The following ARHGAP26 variants were observed in gnomAD, a reference collection of about 807,000 sequenced individuals.
The protein encoded by ARHGAP26 is Rho GTPase activating protein 26, also known as rho GTPase-activating protein 26.
A neutral mutation model predicts 104.8 loss-of-function variants in ARHGAP26; 38 were observed. The ratio of observed to expected loss-of-function variants is 0.36; its 90% confidence interval spans 0.28 to 0.48. ARHGAP26 has a LOEUF of 0.48. ARHGAP26 is among the 20% of genes least tolerant of loss of function. The pLI, the probability that ARHGAP26 is intolerant of heterozygous loss-of-function variation, is 0.99. For synonymous variants in ARHGAP26, 341 were observed against 340.0 expected (o/e 1.00, Z -0.03); for missense variants, 704 against 947.9 (o/e 0.74, Z 3.38).
At chr5:143,218,465 C>G (rs1362228613) in intron 22 of ARHGAP26, among the ~76,000 whole-genome samples, 1 of 152,200 alleles carries the variant, frequency 6.6e-6, no homozygotes, top group Non-Finnish European at 1.5e-5. Flanking sequence ...ACCCAGGGGT[C>G]TGCACCTCTT....
intron 11 of ARHGAP26, among the ~76,000 whole-genome samples, chr5:142,998,889 ACTCC>A (rs1453084443): frequency 1.3e-5 from 2 of 151,778 alleles, no homozygotes; most frequent in Non-Finnish European, 2.9e-5. Context: ...TCCAGTTCCT[ACTCC>A]CTCCAACATT....
At chr5:143,069,938 T>G (rs951124943) in intron 17 of ARHGAP26, among the ~76,000 whole-genome samples, 2 of 152,206 alleles carry the variant, frequency 1.3e-5, no homozygotes, top group African/African-American at 4.8e-5. Flanking sequence ...TTTTGGGAGC[T>G]AGCACTTCCC....
intron 1 of ARHGAP26, among the ~76,000 whole-genome samples, chr5:142,844,904 C>T (rs1347660912): frequency 6.6e-6 from 1 of 152,036 alleles, no homozygotes; most frequent in Non-Finnish European, 1.5e-5. Flanking sequence ...GATGGTAGCC[C>T]CCGTTTTGCA....
intron 1 of ARHGAP26, among the ~76,000 whole-genome samples, chr5:142,833,942 A>G (rs1769033890): frequency 6.6e-6 from 1 of 152,212 alleles, no homozygotes; most frequent in African/African-American, 2.4e-5. Flanking sequence ...CTTTAGACTC[A>G]TAAGTGGGAC....
At chr5:143,038,684 C>CTTTTTTTTT (rs60428049) in intron 13 of ARHGAP26, among the ~76,000 whole-genome samples, 5 of 64,384 alleles carry the variant, frequency 7.8e-5, no homozygotes, top group East Asian at 6.3e-4. Context: ...GACATACGGC[C>CTTTTTTTTT]TTTTTTTTTT....
rs553778277 is a variant in ARHGAP26 at position 142,896,883 on chromosome 5, T to TA, written c.597+2536dup. 1.1e-4 allele frequency among the ~76,000 whole-genome samples: 16 copies of TA among 152,334 alleles called. No individual in the cohort carries two copies. The South Asian group carries it at 3.3e-3, about 32-fold the overall frequency. Reference sequence around the variant, plus strand: ...GTTGTATGAGGATTGACTGAGTGTTTATCCATGTGAGGTGCTTAGAACAGA... The same window carrying TA: ...GTTGTATGAGGATTGACTGAGTGTTTAATCCATGTGAGGTGCTTAGAACAGA... On this transcript the variant is annotated intron_variant, in intron 6 of 22. Coordinates refer to ENST00000645722, the MANE Select transcript of ARHGAP26 (RefSeq NM_001135608.3).
At chr5:142,872,731 G>A (rs569888488) in intron 1 of ARHGAP26, among the ~76,000 whole-genome samples, 30 of 152,282 alleles carry the variant, frequency 2.0e-4, no homozygotes, top group South Asian at 6.2e-4. Flanking sequence ...AAATGTTGCC[G>A]GGGCTTTGTT....
chr5:143,151,698 G>A (rs776778916), intron 20 of ARHGAP26, among the ~76,000 whole-genome samples: 79 of 152,194 alleles, frequency 5.2e-4, no homozygotes, highest in Non-Finnish European at 1.0e-3. Context: ...GCTCACACCT[G>A]TAATCCCAGC....
chr5:142,979,487 A>G (rs991179715), intron 11 of ARHGAP26, among the ~76,000 whole-genome samples: 7 of 152,344 alleles, frequency 4.6e-5, no homozygotes, highest in African/African-American at 7.2e-5. Context: ...TTTTGACTCA[A>G]TGTTTCACTT....
At position 142,903,534 on chromosome 5, in the gene ARHGAP26, T is replaced by A. The variant is rs1760676231; in HGVS notation, c.703-6T>A. On this transcript the variant is annotated splice_region_variant and splice_polypyrimidine_tract_variant and intron_variant, in intron 7 of 22. Coordinates refer to ENST00000645722, the MANE Select transcript of ARHGAP26 (RefSeq NM_001135608.3). ...TTTGATTTGAATAAAATTATTTTCATCCTAGACAAGAAATCGCTTTGAAGG... is the reference window on the plus strand; with the variant it reads ...TTTGATTTGAATAAAATTATTTTCAACCTAGACAAGAAATCGCTTTGAAGG... 1 of 1,612,010 alleles carries A rather than the reference T, an allele frequency of 6.2e-7. No homozygotes were observed. Among genetic ancestry groups the A allele is most frequent in the Non-Finnish European group, 8.5e-7 (1 of 1,179,302 alleles).
intron 12 of ARHGAP26, among the ~76,000 whole-genome samples, chr5:143,030,474 T>G (rs1372444782): frequency 6.6e-6 from 1 of 152,264 alleles, no homozygotes; most frequent in East Asian, 1.9e-4. Flanking sequence ...TGTGCCACTT[T>G]TGTTCTTCCT....
chr5:143,120,958 A>T (rs1402759671), intron 17 of ARHGAP26, 30 bp from the exon 18 acceptor site: 1 of 1,604,368 alleles, frequency 6.2e-7, no homozygotes, highest in Admixed American at 1.7e-5. Flanking sequence ...GATTTGTCTC[A>T]TTGGTACCTT....
intron 14 of ARHGAP26, among the ~76,000 whole-genome samples, chr5:143,043,543 C>T (rs964050333): frequency 6.6e-6 from 1 of 152,060 alleles, no homozygotes; most frequent in African/African-American, 2.4e-5. Flanking sequence ...ATATTTGTTC[C>T]TCTGGGATAA....
intron 17 of ARHGAP26, among the ~76,000 whole-genome samples, chr5:143,081,806 G>A (rs1411479986): frequency 6.6e-6 from 1 of 152,154 alleles, no homozygotes; most frequent in Non-Finnish European, 1.5e-5. Flanking sequence ...AAGGTCAGGA[G>A]TTCGAGACCA....
At chr5:142,825,844 G>T (rs531031058) in intron 1 of ARHGAP26, among the ~76,000 whole-genome samples, 1 of 152,306 alleles carries the variant, frequency 6.6e-6, no homozygotes, top group Non-Finnish European at 1.5e-5. Context: ...TGTCCTTGGC[G>T]GAATCCCTCA....
intron 17 of ARHGAP26, among the ~76,000 whole-genome samples, chr5:143,069,317 T>C (rs1032919627): frequency 1.3e-5 from 2 of 152,176 alleles, no homozygotes; most frequent in African/African-American, 2.4e-5. Context: ...ACTGTATCCT[T>C]AGCAACTAGA....
chr5:142,867,471 G>A (rs776636026), intron 1 of ARHGAP26, among the ~76,000 whole-genome samples: 6 of 152,108 alleles, frequency 3.9e-5, no homozygotes, highest in Non-Finnish European at 7.3e-5. Context: ...ATGGGGAGTC[G>A]TTGGAAATGC....
At chr5:143,010,427 G>A (rs563424948) in intron 11 of ARHGAP26, among the ~76,000 whole-genome samples, 2 of 152,330 alleles carry the variant, frequency 1.3e-5, no homozygotes, top group African/African-American at 4.8e-5. Context: ...GTTGCCATGT[G>A]TGGTGCTTGG....
chr5:142,883,607 C>T (rs1298632577), intron 4 of ARHGAP26, among the ~76,000 whole-genome samples: 3 of 152,230 alleles, frequency 2.0e-5, no homozygotes, highest in Admixed American at 6.5e-5. Flanking sequence ...TGTTAGGGCT[C>T]CGGGTGATGG....
Sources: allele counts gnomAD v4.1 joint callset (sites outside exome capture counted in the v4.1 genomes callset), GRCh38; gene constraint gnomAD v4.1.1; transcripts MANE v1.5; gene names NCBI Gene and HGNC (gene_info 2026-07-23, HGNC 2026-07-21).